MRC2: variants seen among roughly 807,000 people sequenced by gnomAD.
MRC2 encodes the protein mannose receptor C-type 2, also known as C-type mannose receptor 2.
MRC2 carries 84 observed loss-of-function variants against 206.2 expected under a neutral mutation model. That is an observed-to-expected ratio of 0.41 (90% CI 0.34 to 0.49). The LOEUF (loss-of-function observed/expected upper bound fraction) is 0.49. Among genes scored for constraint, MRC2 ranks in the 20% least tolerant of loss-of-function variants. The probability of loss-of-function intolerance (pLI) is 0.31; values close to 1 mark genes in which losing one functional copy is unlikely to be tolerated. For missense variants in MRC2, 1,676 were observed against 2,001.5 expected (o/e 0.84, Z 3.10); for synonymous variants, 798 against 800.0 (o/e 1.00, Z 0.04).
chr17:62,681,165 GC>G (rs2088961981), intron 18 of MRC2, 36 bp downstream of exon 18: 1 of 1,606,190 alleles, frequency 6.2e-7, no homozygotes, highest in African/African-American at 1.3e-5. Flanking sequence ...GTGGAAGGGG[GC>G]TGGCTGTCCA....
chr17:62,673,067 T>C (rs2088847538), intron 8 of MRC2, among the ~76,000 whole-genome samples: 1 of 152,122 alleles, frequency 6.6e-6, no homozygotes, highest in Admixed American at 6.6e-5. Flanking sequence ...GACAGGATGT[T>C]CTGCTGTCAC....
At chr17:62,629,433 C>T (rs1328015290) in intron 1 of MRC2, among the ~76,000 whole-genome samples, 1 of 152,206 alleles carries the variant, frequency 6.6e-6, no homozygotes, top group African/African-American at 2.4e-5. Context: ...CCCTCCTCCT[C>T]CTGGTCTCTG....
chr17:62,682,126 C>T, intron 19 of MRC2, 109 bp from the exon 20 acceptor site: 1 of 1,271,950 alleles, frequency 7.9e-7, no homozygotes. Context: ...GACACAGGCC[C>T]TGAGCCTCTG....
chr17:62,669,678 G>A (rs552223452), intron 6 of MRC2, among the ~76,000 whole-genome samples: 76 of 151,840 alleles, frequency 5.0e-4, no homozygotes, highest in Non-Finnish European at 9.3e-4. Flanking sequence ...CCAGCCTCCC[G>A]AGTAGCTGGG....
Position 62,671,103 on chromosome 17 carries a change from G to C in MRC2, c.1118-546G>C, listed in dbSNP as rs942626596. ...GATGCATTGATTGAGATAAGGTCTT[G>C]CTGTGTCGCCCAGGCTGGAGTTTAG... On this transcript the variant is annotated intron_variant, in intron 6 of 29. Transcript: ENST00000303375. The surrounding 1 kb of genome is among the most constrained non-coding windows in gnomAD (Gnocchi z 4.5). Among the ~76,000 whole-genome samples, 2 of 152,160 alleles carry C rather than the reference G, an allele frequency of 1.3e-5. No individual in the cohort carries two copies. Among genetic ancestry groups the C allele is most frequent in the African/African-American group, 4.8e-5 (2 of 41,420 alleles).
At chr17:62,662,212 T>G (rs1382460056) in intron 1 of MRC2, among the ~76,000 whole-genome samples, 3 of 151,440 alleles carry the variant, frequency 2.0e-5, no homozygotes, top group Admixed American at 2.0e-4. Context: ...ATTGCGCCAC[T>G]GCACTCTAGC....
rs774320542 is a variant in MRC2 at position 62,681,204 on chromosome 17, T to C, written c.2702+75T>C. The C allele has an allele frequency of 6.5e-6, 10 of 1,529,542 alleles. No homozygotes were observed. In the Admixed American group the frequency reaches 7.4e-5, roughly 11 times the overall value. The allele number at this position is 1,529,542 out of a possible 1,614,324, so 94.7% of individuals were successfully genotyped here. A position where few individuals can be genotyped will look rare whatever the true frequency, so the allele number is the denominator to read the frequency against. ...CACGGAGCACAGAGGCAGACTTGCA[T>C]TTGAATCCAGCCCTGCCCCTTCCTT... On this transcript the variant is annotated intron_variant, in intron 18 of 29. Coordinates refer to ENST00000303375, the MANE Select transcript of MRC2 (RefSeq NM_006039.5).
At chr17:62,678,220 GAGA>G (rs1414212374) in intron 12 of MRC2, among the ~76,000 whole-genome samples, 1 of 152,196 alleles carries the variant, frequency 6.6e-6, no homozygotes, top group Non-Finnish European at 1.5e-5. Context: ...GAAGTCTAGG[GAGA>G]AGAAGGGACT....
At chr17:62,681,370 A>G in intron 18 of MRC2, 2 of 579,434 alleles carry the variant, frequency 3.5e-6, no homozygotes, top group Non-Finnish European at 6.1e-6. Context: ...CGCAGCATCC[A>G]GCACATTAGT....
intron 23 of MRC2, 66 bp from the exon 24 acceptor site, chr17:62,689,456 G>A (rs958804096): frequency 2.2e-5 from 25 of 1,128,146 alleles, no homozygotes; most frequent in Non-Finnish European, 3.1e-5. Context: ...CCTTCTCCTG[G>A]CCTTGTGCCT....
At chr17:62,685,714 A>AT (rs534533041) in intron 20 of MRC2, among the ~76,000 whole-genome samples, 89 of 151,590 alleles carry the variant, frequency 5.9e-4, no homozygotes, top group South Asian at 1.7e-3. Context: ...TAATTTTTCT[A>AT]TTTTTTTTGT....
chr17:62,677,907 A>G (rs1017255188), intron 12 of MRC2, among the ~76,000 whole-genome samples: 4 of 152,094 alleles, frequency 2.6e-5, no homozygotes, highest in South Asian at 2.1e-4. Flanking sequence ...AAAATTAGCC[A>G]GGTGTGGTGG....
At position 62,677,402 on chromosome 17, in the gene MRC2, G is replaced by C; in HGVS notation, c.1968G>C (p.Leu656=). ...QSLGTPVTPE[L]PGPDPTPSLT... ...TGGGCACTCCAGTGACGCCGGAGCT[G>C]CCGGGGCCAGATCCCACGCCCAGCC... The change falls in exon 12 of 30, where the codon CTG becomes CTC. Residue 656 remains leucine (L), a synonymous_variant. Transcript: ENST00000303375. The C allele has an allele frequency of 1.2e-6, 2 of 1,611,500 alleles. No homozygotes were observed. Among genetic ancestry groups the C allele is most frequent in the East Asian group, 2.2e-5 (1 of 44,834 alleles).
chr17:62,676,398 C>A lies in MRC2; in HGVS notation c.1701C>A (p.Phe567Leu). ...TCTCCTGAAGGTTCGAGCAGGCCTT[C>A]GTCAGCAGCCTCATCTACAACTGGG... The part of the protein sequence containing the change: ...VTITNRFEQA[F>L]VSSLIYNWEG... Residue 567 changes from phenylalanine to leucine, a missense_variant, in exon 11 of 30, where the codon TTC (phenylalanine) becomes TTA (leucine). Physicochemically the swap from Phe to Leu is conservative, Grantham distance 22. This residue lies in a region of MRC2 where 1,354 missense variants were observed against 1,636.6 expected (regional missense o/e 0.83). Transcript: ENST00000303375. 6.2e-7 allele frequency: 1 copy of A among 1,614,040 alleles called. No homozygotes were observed. Among genetic ancestry groups the A allele is most frequent in the Non-Finnish European group, 8.5e-7 (1 of 1,179,978 alleles).
chr17:62,637,790 C>T (rs1209401830), intron 1 of MRC2, among the ~76,000 whole-genome samples: 1 of 152,230 alleles, frequency 6.6e-6, no homozygotes, highest in Admixed American at 6.5e-5. Context: ...CATTTTACTG[C>T]TGTCGTCCCT....
chr17:62,681,601 G>A, intron 18 of MRC2: 2 of 520,834 alleles, frequency 3.8e-6, no homozygotes, highest in Non-Finnish European at 6.7e-6. Context: ...GGAGTCCTCA[G>A]GCTTCTTTTC....
rs544145628 is a variant in MRC2 at position 62,687,844 on chromosome 17, C to T, written c.2947-445C>T. Among the ~76,000 whole-genome samples the T allele has an allele frequency of 1.8e-4, 28 of 151,582 alleles. No individual in the cohort carries two copies. In the South Asian group the frequency reaches 5.6e-3, roughly 30 times the overall value. On this transcript the variant is annotated intron_variant, in intron 20 of 29. Coordinates refer to ENST00000303375, the MANE Select transcript of MRC2 (RefSeq NM_006039.5). ...CTTGCAGTGAGCCGAGATGGCGCCACTGCACTCCAGCCTGGGAGACAGAGC... is the reference window on the plus strand; with the variant it reads ...CTTGCAGTGAGCCGAGATGGCGCCATTGCACTCCAGCCTGGGAGACAGAGC...
intron 1 of MRC2, among the ~76,000 whole-genome samples, chr17:62,635,460 G>A (rs2088302404): frequency 6.6e-6 from 1 of 151,980 alleles, no homozygotes; most frequent in African/African-American, 2.4e-5. Context: ...CTGGGACTCT[G>A]GAATAAAACC....
intron 1 of MRC2, among the ~76,000 whole-genome samples, chr17:62,645,246 A>G (rs1239272586): frequency 6.6e-6 from 1 of 151,976 alleles, no homozygotes; most frequent in Non-Finnish European, 1.5e-5. Context: ...AGCATCAGAT[A>G]ATTCCGTATA....
Sources: allele counts gnomAD v4.1 joint callset (sites outside exome capture counted in the v4.1 genomes callset), GRCh38; gene constraint gnomAD v4.1.1; regional missense constraint gnomAD v4.1.1; non-coding constraint Gnocchi (gnomAD v3.1); transcripts MANE v1.5; gene names NCBI Gene and HGNC (gene_info 2026-07-23, HGNC 2026-07-21).